The following ZDHHC17 variants were observed in gnomAD, a reference collection of about 807,000 sequenced individuals.
ZDHHC17 encodes zDHHC palmitoyltransferase 17, also known as palmitoyltransferase ZDHHC17.
A neutral mutation model predicts 90.3 loss-of-function variants in ZDHHC17; 40 were observed. The observed-to-expected ratio is 0.44, with a 90% CI of 0.34 to 0.58. The LOEUF (loss-of-function observed/expected upper bound fraction) is 0.58, where lower values mean the gene tolerates loss of function less well. Ranked by LOEUF, ZDHHC17 falls within the 20% of genes least tolerant of loss-of-function variation. The pLI, the probability that ZDHHC17 is intolerant of heterozygous loss-of-function variation, is 0.01. For synonymous variants in ZDHHC17, 235 were observed against 252.4 expected, an observed-to-expected ratio of 0.93 and a Z score of 0.65; for missense variants, 614 against 780.8, an observed-to-expected ratio of 0.79 and a Z score of 2.55.
intron 16 of ZDHHC17, 72 bp downstream of exon 16, chr12:76,849,542 T>C: frequency 2.3e-6 from 2 of 885,752 alleles, no homozygotes; most frequent in Non-Finnish European, 3.4e-6. Flanking sequence ...ACTCTTTTAC[T>C]TAGTGATATG....
Position 76,822,458 on chromosome 12 carries a change from A to G in ZDHHC17, c.824A>G (p.Asn275Ser). Reference protein sequence around the residue: ...AKQRKNVWMINHLQEARQAKG... With the variant: ...AKQRKNVWMISHLQEARQAKG... ...CAGAGAAAAAATGTGTGGATGATCA[A>G]CCACTTACAAGAGGCAAGGCAAGCA... is the stretch of plus-strand genomic sequence containing the variant. Residue 275 changes from asparagine to serine, a missense_variant, in exon 8 of 17, where the codon AAC becomes AGC. Physicochemically the swap from Asn to Ser is conservative, Grantham distance 46. This residue lies in a region of ZDHHC17 where 358 missense variants were observed against 380.4 expected (regional missense o/e 0.94). Transcript: ENST00000426126. The G allele has an allele frequency of 1.2e-6, 2 of 1,613,846 alleles. No homozygotes were observed. Among genetic ancestry groups the G allele is most frequent in the Non-Finnish European group, 8.5e-7 (1 of 1,179,840 alleles).
rs1953557396 is a variant in ZDHHC17, at chr12:76,850,780, T to C, written c.1761-67T>C. The C allele has an allele frequency of 4.5e-6, 7 of 1,538,486 alleles. No homozygotes were observed. In the South Asian group the frequency reaches 6.3e-5, roughly 14 times the overall value. ...AAAAATATATTTAACACGAAAATTATATTGAATTCATGTATTAAATCATTT... is the reference window on the plus strand; with the variant it reads ...AAAAATATATTTAACACGAAAATTACATTGAATTCATGTATTAAATCATTT... On this transcript the variant is annotated intron_variant, in intron 16 of 16. Coordinates refer to ENST00000426126, the MANE Select transcript of ZDHHC17 (RefSeq NM_015336.4).
chr12:76,777,303 A>G (rs997220293), intron 1 of ZDHHC17, among the ~76,000 whole-genome samples: 42 of 152,118 alleles, frequency 2.8e-4, no homozygotes, highest in African/African-American at 9.4e-4. Context: ...ACCTTATGGG[A>G]TTGGCTTTTC....
At chr12:76,785,345 T>C (rs568405760) in intron 1 of ZDHHC17, among the ~76,000 whole-genome samples, 194 of 152,346 alleles carry the variant, frequency 1.3e-3, no homozygotes, top group Non-Finnish European at 2.0e-3. Flanking sequence ...TTTTAATCTT[T>C]TGATTCCATT....
intron 8 of ZDHHC17, among the ~76,000 whole-genome samples, chr12:76,826,068 C>T (rs1304623117): frequency 6.6e-6 from 1 of 152,140 alleles, no homozygotes; most frequent in Non-Finnish European, 1.5e-5. Flanking sequence ...ATTCTCTCGT[C>T]TAGGCCTCCC....
Position 76,764,332 on chromosome 12 carries a change from G to A in ZDHHC17, c.93+3G>A, listed in dbSNP as rs1300818538. On this transcript the variant is annotated splice_donor_region_variant and intron_variant, in intron 1 of 16. Transcript: ENST00000426126. ...GTGTGCCCCTTCTCCACCCAGAGGT[G>A]AGGAACCGTGCTGAGTGGATTCCTT... 5.7e-6 allele frequency: 9 copies of A among 1,592,618 alleles called. No homozygotes were observed. The highest frequency in any genetic ancestry group is 7.7e-6 in the Non-Finnish European group (9 of 1,168,910).
chr12:76,809,989 G>T, intron 5 of ZDHHC17, 132 bp downstream of exon 5: 2 of 933,604 alleles, frequency 2.1e-6, no homozygotes, highest in Non-Finnish European at 3.1e-6. Flanking sequence ...CATAAATATA[G>T]TGAGTTTGAT....
At chr12:76,786,811 A>G (rs568030645) in intron 1 of ZDHHC17, among the ~76,000 whole-genome samples, 1 of 152,348 alleles carries the variant, frequency 6.6e-6, no homozygotes, top group East Asian at 1.9e-4. Context: ...ATGATCTTCT[A>G]AAATTGCATA....
rs1380224815 is a variant in ZDHHC17, at chr12:76,813,466, A to G, written c.544-1680A>G. On this transcript the variant is annotated intron_variant, in intron 5 of 16. Transcript: ENST00000426126. Reference sequence around the variant, plus strand: ...GTATGCATGGTGAGTGACTAAGTTAATGACATCCAAGGAAATGCTTTACTT... The same window carrying G: ...GTATGCATGGTGAGTGACTAAGTTAGTGACATCCAAGGAAATGCTTTACTT... 8.4e-6 allele frequency: 3 copies of G among 355,556 alleles called. No individual in the cohort carries two copies. The East Asian group carries it at 2.9e-4, about 34-fold the overall frequency. 22.0% of individuals were successfully genotyped at this position (355,556 alleles called of 1,614,324 possible).
intron 2 of ZDHHC17, among the ~76,000 whole-genome samples, chr12:76,803,904 ACTAG>A (rs1357877747): frequency 6.6e-6 from 1 of 152,196 alleles, no homozygotes; most frequent in Non-Finnish European, 1.5e-5. Flanking sequence ...CAAAGGGGTG[ACTAG>A]CTAGTTAAAT....
intron 8 of ZDHHC17, among the ~76,000 whole-genome samples, chr12:76,825,148 G>T (rs988329947): frequency 3.9e-5 from 6 of 152,108 alleles, no homozygotes; most frequent in Non-Finnish European, 7.4e-5. Context: ...ATCAAGGTTA[G>T]TTTCCTGGTT....
chr12:76,843,120 G>T, intron 12 of ZDHHC17, 139 bp downstream of exon 12: 1 of 599,134 alleles, frequency 1.7e-6, no homozygotes. Context: ...GAGGAAAGAT[G>T]GTTAAAGGAT....
At chr12:76,805,493 A>T (rs1952945310) in intron 3 of ZDHHC17, 54 bp downstream of exon 3, 5 of 1,336,266 alleles carry the variant, frequency 3.7e-6, no homozygotes, top group Non-Finnish European at 5.1e-6. Flanking sequence ...ATGGTTATAA[A>T]ATTAATAGAA....
At chr12:76,798,713 A>C (rs893409933) in intron 2 of ZDHHC17, among the ~76,000 whole-genome samples, 1 of 152,194 alleles carries the variant, frequency 6.6e-6, no homozygotes, top group African/African-American at 2.4e-5. Flanking sequence ...AGGAGTCTTC[A>C]GGAAACTTTA....
In ZDHHC17 at chr12:76,822,360, C is replaced by T. The variant is rs1303167922; in HGVS notation, c.772-46C>T. The T allele has an allele frequency of 1.9e-6, 3 of 1,598,210 alleles. No homozygotes were observed. In the East Asian group the frequency reaches 6.7e-5, roughly 36 times the overall value. On this transcript the variant is annotated intron_variant, in intron 7 of 16. Coordinates refer to ENST00000426126, the MANE Select transcript of ZDHHC17 (RefSeq NM_015336.4). ...GTTCTTTAAAGGTAACTAAGATAGC[C>T]TGCTTTTAAACTTTTAATAGGAATT...
intron 1 of ZDHHC17, chr12:76,781,667 A>G (rs776821069): frequency 2.2e-6 from 1 of 456,002 alleles, no homozygotes; most frequent in South Asian, 1.5e-5. Context: ...ACCTTGGACT[A>G]CTCAGCCTTC....
intron 1 of ZDHHC17, among the ~76,000 whole-genome samples, chr12:76,777,968 G>C (rs2137719790): frequency 6.6e-6 from 1 of 152,294 alleles, no homozygotes; most frequent in Non-Finnish European, 1.5e-5. Flanking sequence ...AGAGGGAAAA[G>C]GGGATATCAG....
chr12:76,832,279 C>G (rs1016840857), intron 10 of ZDHHC17, among the ~76,000 whole-genome samples: 1 of 152,166 alleles, frequency 6.6e-6, no homozygotes, highest in African/African-American at 2.4e-5. Flanking sequence ...AGCAGTTGTC[C>G]AGGATCACTT....
rs188181505 is a variant in ZDHHC17, at chr12:76,772,350, G to A, written c.93+8021G>A. Among the ~76,000 whole-genome samples the A allele has an allele frequency of 5.8e-3, 882 of 152,148 alleles. 10 individuals carry two copies. Among genetic ancestry groups the A allele is most frequent in the African/African-American group, 0.021 (858 of 41,480 alleles). ...GGTAGCAAAATTGAGCAGAAAGTAC[G>A]AAGAGTTCCCATATGCTCCCTGCCT... On this transcript the variant is annotated intron_variant, in intron 1 of 16. Coordinates refer to ENST00000426126, the MANE Select transcript of ZDHHC17 (RefSeq NM_015336.4).
Sources: gnomAD v4.1 joint callset for allele counts (sites outside exome capture counted in the v4.1 genomes callset) on GRCh38, gnomAD v4.1.1 for gene constraint, gnomAD v4.1.1 regional missense constraint, MANE v1.5 for transcripts, NCBI Gene and HGNC (gene_info 2026-07-23, HGNC 2026-07-21) for gene names.